ENTREP2: variants seen among roughly 807,000 people sequenced by gnomAD.
ENTREP2 encodes the protein endosomal transmembrane epsin interactor 2.
chr15:29,391,105 G>T, the ENTREP2 span, among the ~76,000 whole-genome samples: 1 of 152,044 alleles, frequency 6.6e-6, no homozygotes. Flanking sequence ...CTTTGGGTGT[G>T]GCTTTCTTTC....
At chr15:29,130,419 T>C in the ENTREP2 span, among the ~76,000 whole-genome samples, 3,700 of 152,212 alleles carry the variant, frequency 0.024, 168 homozygotes, top group African/African-American at 0.085. Flanking sequence ...GAGCGAACAA[T>C]GTCCTAACGG....
chr15:29,234,658 A>G, the ENTREP2 span: 1 of 1,564,128 alleles, frequency 6.4e-7, no homozygotes, highest in Non-Finnish European at 8.8e-7. Flanking sequence ...TATCTTCACC[A>G]CAAGAGAGAA....
the ENTREP2 span, among the ~76,000 whole-genome samples, chr15:29,231,728 G>A: frequency 6.6e-6 from 1 of 151,550 alleles, no homozygotes; most frequent in Non-Finnish European, 1.5e-5. Flanking sequence ...AAAATAAAAC[G>A]CTTAATTTCT....
chr15:29,375,709 G>T, the ENTREP2 span: 1 of 152,052 alleles, frequency 6.6e-6, no homozygotes, highest in African/African-American at 2.4e-5. Flanking sequence ...ATCTAACTAG[G>T]GTCCCTAAAT....
At chr15:29,444,226 GAAAGAAAGAAAGAA>G in the ENTREP2 span, among the ~76,000 whole-genome samples, 1 of 148,544 alleles carries the variant, frequency 6.7e-6, no homozygotes, top group Admixed American at 6.7e-5. Context: ...AAGAAAGAAA[GAAAGAAAGAAAGAA>G]AGAAAGAAAG....
At chr15:29,374,734 C>G in the ENTREP2 span, 1 of 152,072 alleles carries the variant, frequency 6.6e-6, no homozygotes, top group South Asian at 2.1e-4. Context: ...TTCCACAAAG[C>G]TCTGTGATTT....
chr15:29,512,695 A>T, the ENTREP2 span, among the ~76,000 whole-genome samples: 1 of 152,234 alleles, frequency 6.6e-6, no homozygotes, highest in Non-Finnish European at 1.5e-5. Flanking sequence ...CCAGGAACTG[A>T]ATCTGCAAGC....
chr15:29,627,031 T>G, the ENTREP2 span, among the ~76,000 whole-genome samples: 1 of 152,206 alleles, frequency 6.6e-6, no homozygotes, highest in Non-Finnish European at 1.5e-5. Context: ...TTTTCCTGGT[T>G]TCCTGGGGTG....
chr15:29,515,461 G>A, the ENTREP2 span, among the ~76,000 whole-genome samples: 1 of 152,122 alleles, frequency 6.6e-6, no homozygotes, highest in African/African-American at 2.4e-5. Flanking sequence ...TCTCTACTCC[G>A]TCTACTGATT....
the ENTREP2 span, among the ~76,000 whole-genome samples, chr15:29,475,586 G>A: frequency 6.6e-6 from 1 of 152,180 alleles, no homozygotes; most frequent in African/African-American, 2.4e-5. Flanking sequence ...AGGGGGCGAG[G>A]GGGCAGTGCT....
At chr15:29,372,762 G>T in the ENTREP2 span, among the ~76,000 whole-genome samples, 1 of 152,064 alleles carries the variant, frequency 6.6e-6, no homozygotes, top group Admixed American at 6.6e-5. Flanking sequence ...ATGTAGTGTT[G>T]TCTTAGAAAT....
At chr15:29,387,232 C>T in the ENTREP2 span, among the ~76,000 whole-genome samples, 1 of 151,998 alleles carries the variant, frequency 6.6e-6, no homozygotes, top group Non-Finnish European at 1.5e-5. Flanking sequence ...TTGTCAAAGG[C>T]CTTTTCTGCA....
At chr15:29,668,377 T>C in the ENTREP2 span, among the ~76,000 whole-genome samples, 2 of 152,114 alleles carry the variant, frequency 1.3e-5, no homozygotes, top group African/African-American at 4.8e-5. Flanking sequence ...AAATTAAACA[T>C]ATAATTACCG....
the ENTREP2 span, among the ~76,000 whole-genome samples, chr15:29,332,900 A>G: frequency 6.7e-6 from 1 of 148,576 alleles, no homozygotes; most frequent in South Asian, 2.3e-4. Flanking sequence ...CGGAGGTTGC[A>G]GTGAGCCGAG....
the ENTREP2 span, among the ~76,000 whole-genome samples, chr15:29,528,386 T>C: frequency 6.6e-6 from 1 of 151,344 alleles, no homozygotes; most frequent in South Asian, 2.1e-4. Context: ...CTGCATGTCC[T>C]TCCAAACTAA....
the ENTREP2 span, among the ~76,000 whole-genome samples, chr15:29,243,127 C>T: frequency 3.3e-5 from 5 of 152,146 alleles, no homozygotes; most frequent in African/African-American, 4.8e-5. Context: ...GAAGCTCTCT[C>T]GCCATGAACA....
chr15:29,598,158 A>T, the ENTREP2 span, among the ~76,000 whole-genome samples: 6 of 152,098 alleles, frequency 3.9e-5, no homozygotes, highest in South Asian at 1.2e-3. Context: ...TAGTTTTGTA[A>T]GAAAGCGCAA....
the ENTREP2 span, among the ~76,000 whole-genome samples, chr15:29,588,150 C>A: frequency 6.6e-6 from 1 of 152,104 alleles, no homozygotes; most frequent in African/African-American, 2.4e-5. Flanking sequence ...CCATTTATAT[C>A]CTGCAATGGG....
chr15:29,223,208 ACAC>A, the ENTREP2 span, among the ~76,000 whole-genome samples: 295 of 152,330 alleles, frequency 1.9e-3, no homozygotes, highest in African/African-American at 6.7e-3. Context: ...TAGTTGGGGA[ACAC>A]CACATTAAAA....
Sources: allele counts gnomAD v4.1 joint callset (sites outside exome capture counted in the v4.1 genomes callset), GRCh38; gene constraint gnomAD v4.1.1; transcripts MANE v1.5; gene names NCBI Gene and HGNC (gene_info 2026-07-23, HGNC 2026-07-21).